CCDC80: variants seen among roughly 807,000 people sequenced by gnomAD.
The protein encoded by CCDC80 is coiled-coil domain-containing protein 80.
In CCDC80, 49 loss-of-function variants were observed where a neutral mutation model predicts 78.7. That is an observed-to-expected ratio of 0.62 (90% confidence interval 0.50 to 0.79). The LOEUF (loss-of-function observed/expected upper bound fraction) is 0.79, where lower values mean the gene tolerates loss of function less well. Ranked by LOEUF, CCDC80 falls within the 30% of genes least tolerant of loss-of-function variation. The probability of loss-of-function intolerance (pLI) is 0.00; values close to 1 mark genes in which losing one functional copy is unlikely to be tolerated. For missense variants in CCDC80, 1,205 were observed against 1,198.6 expected (o/e 1.01, Z -0.08); for synonymous variants, 488 against 447.0 (o/e 1.09, Z -1.16).
chr3:112,620,076 T>A (rs1254948365), intron 3 of CCDC80, among the ~76,000 whole-genome samples: 1 of 152,204 alleles, frequency 6.6e-6, no homozygotes, highest in Non-Finnish European at 1.5e-5. Context: ...CACTACCCAG[T>A]GACTAACACT....
At position 112,639,858 on chromosome 3, in the gene CCDC80, C is replaced by A; in HGVS notation, c.48G>T (p.Trp16Cys). 6.2e-7 allele frequency: 1 copy of A among 1,614,158 alleles called. No homozygotes were observed. Among genetic ancestry groups the A allele is most frequent in the South Asian group, 1.1e-5 (1 of 91,078 alleles). ...GGTGGGGTTCTGATCCACACACTAG[C>A]CACATGGCCAACAGCATAGTGAAAC... ...GPRFTMLLAM[W>C]LVCGSEPHPH... is the part of the protein sequence containing the mutation. The change falls in exon 2 of 8, where the codon TGG (tryptophan) becomes TGT (cysteine). Residue 16 changes from tryptophan (W) to cysteine (C), a missense_variant. Transcript: ENST00000206423.
chr3:112,608,195 A>G (rs1312096829), intron 6 of CCDC80, among the ~76,000 whole-genome samples: 1 of 152,216 alleles, frequency 6.6e-6, no homozygotes, highest in African/African-American at 2.4e-5. Flanking sequence ...TCAAGCTTTC[A>G]TAGTTTTAAA....
intron 3 of CCDC80, among the ~76,000 whole-genome samples, chr3:112,627,232 A>C (rs114126970): frequency 0.012 from 1,871 of 152,254 alleles, 30 homozygotes; most frequent in African/African-American, 0.042. Context: ...TACACACCCA[A>C]CATTCCTATC....
chr3:112,612,896 G>A (rs546723885), intron 5 of CCDC80, among the ~76,000 whole-genome samples: 197 of 112,052 alleles, frequency 1.8e-3, no homozygotes, highest in Non-Finnish European at 3.1e-3. Flanking sequence ...ATTTCTCTTT[G>A]CCTGGGTTTC....
intron 2 of CCDC80, among the ~76,000 whole-genome samples, chr3:112,635,933 A>G (rs1164022145): frequency 6.6e-6 from 1 of 152,248 alleles, no homozygotes; most frequent in Non-Finnish European, 1.5e-5. Context: ...AATGAAAAGT[A>G]TGACTAATAT....
At chr3:112,616,327 T>C (rs1207618381) in intron 5 of CCDC80, among the ~76,000 whole-genome samples, 1 of 148,106 alleles carries the variant, frequency 6.8e-6, no homozygotes, top group Non-Finnish European at 1.5e-5. Flanking sequence ...GCCTAATAAA[T>C]AAATATGTAA....
In CCDC80 at chr3:112,604,728, C is replaced by T. The variant is rs960911046; in HGVS notation, c.*689G>A. On this transcript the variant is annotated 3_prime_UTR_variant, in exon 8 of 8. Transcript: ENST00000206423. ...GCCTACTAGAACTCTGGAAGTATCG[C>T]CTTTGGCTGCAGTGCCAGATTCTGG... 6.6e-6 allele frequency: 1 copy of T among 152,184 alleles called. No homozygotes were observed. Among genetic ancestry groups the T allele is most frequent in the Non-Finnish European group, 1.5e-5 (1 of 68,032 alleles). The allele number at this position is 152,184 out of a possible 1,614,324, so 9.4% of individuals were successfully genotyped here. A position where few individuals can be genotyped will look rare whatever the true frequency, so the allele number is the denominator to read the frequency against.
intron 6 of CCDC80, among the ~76,000 whole-genome samples, chr3:112,609,253 T>A (rs915602561): frequency 6.6e-6 from 1 of 152,204 alleles, no homozygotes; most frequent in Non-Finnish European, 1.5e-5. Context: ...TTACTGCCTA[T>A]ATATCCATAT....
rs981728071 is a variant in CCDC80, at chr3:112,602,992, A to T, written c.*2425T>A. The T allele has an allele frequency of 6.6e-6, 1 of 152,258 alleles. No homozygotes were observed. The highest frequency in any genetic ancestry group is 2.4e-5 in the African/African-American group (1 of 41,472). The allele number at this position is 152,258 out of a possible 1,614,324, so 9.4% of individuals were successfully genotyped here. On this transcript the variant is annotated 3_prime_UTR_variant, in exon 8 of 8. Transcript: ENST00000206423. ...GCCTCACTTCAAAGCTTCAACCAAC[A>T]GGCTTACTCCTTGTTAGAAGTTAAC...
chr3:112,596,823 A>G lies in CCDC80; in HGVS notation c.*8594T>C, dbSNP rs975402952. On this transcript the variant is annotated 3_prime_UTR_variant, in exon 8 of 8. Coordinates refer to ENST00000206423, the MANE Select transcript of CCDC80 (RefSeq NM_199511.3). The stretch of plus-strand genomic sequence containing the variant: ...CAAATAAACCTTTTATTTACAGGCA[A>G]AGGATATAGTACAAGAAGAAAAAGA... 2 of 152,074 alleles carry G rather than the reference A, an allele frequency of 1.3e-5. No individual in the cohort carries two copies. The highest frequency in any genetic ancestry group is 4.8e-5 in the African/African-American group (2 of 41,418). The allele number at this position is 152,074 out of a possible 1,614,324, so 9.4% of individuals were successfully genotyped here.
At position 112,609,978 on chromosome 3, in the gene CCDC80, C is replaced by G. The variant is rs759138615; in HGVS notation, c.2425G>C (p.Gly809Arg). 6.2e-7 allele frequency: 1 copy of G among 1,611,112 alleles called. No individual in the cohort carries two copies. ...AGTAATGAGGTGGCTTCCCACTCAC[C>G]AAAATTGCACGCCTGACCACTGAGG... is the stretch of plus-strand genomic sequence containing the variant. ...SALSGQACNF[G>R]LRHITILKLL... The change falls in exon 6 of 8, where the codon GGT becomes CGT. Residue 809 changes from glycine to arginine, a missense_variant and splice_region_variant. Physicochemically the swap from Gly to Arg is moderately radical, Grantham distance 125 (BLOSUM62 -2). Coordinates refer to ENST00000206423, the MANE Select transcript of CCDC80 (RefSeq NM_199511.3).
intron 7 of CCDC80, among the ~76,000 whole-genome samples, chr3:112,606,060 A>G (rs1457646059): frequency 6.6e-6 from 1 of 152,244 alleles, no homozygotes; most frequent in African/African-American, 2.4e-5. Context: ...TTTCTTTAAA[A>G]TTTGTCACTA....
At position 112,638,091 on chromosome 3, in the gene CCDC80, C is replaced by T. The variant is rs146058748; in HGVS notation, c.1815G>A (p.Thr605=). The change falls in exon 2 of 8, where the codon ACG becomes ACA. Residue 605 remains threonine, a synonymous_variant. Coordinates refer to ENST00000206423, the MANE Select transcript of CCDC80 (RefSeq NM_199511.3). ...GYQKPTNKHF[T]QSPKKSVADL... is the part of the protein sequence containing the mutation. ...CGGCCACTGACTTCTTGGGACTCTG[C>T]GTGAAGTGTTTGTTGGTGGGTTTCT... 1.9e-5 allele frequency: 31 copies of T among 1,614,042 alleles called. 1 individual carries two copies. The African/African-American group carries it at 2.7e-4, about 14-fold the overall frequency.
In CCDC80 at chr3:112,638,596, G is replaced by A; in HGVS notation, c.1310C>T (p.Thr437Ile). The change falls in exon 2 of 8, where the codon ACC becomes ATC. Residue 437 changes from threonine to isoleucine, a missense_variant. Physicochemically the swap from Thr to Ile is moderately conservative, Grantham distance 89 (BLOSUM62 -1). Coordinates refer to ENST00000206423, the MANE Select transcript of CCDC80 (RefSeq NM_199511.3). ...PQTTRRPSKA[T>I]SLESFTNAPP... ...GGCATTTGTGAAGCTCTCCAAGCTGGTGGCCTTGCTGGGCCTCCTGGTTGT... is the reference window on the plus strand; with the variant it reads ...GGCATTTGTGAAGCTCTCCAAGCTGATGGCCTTGCTGGGCCTCCTGGTTGT... The A allele has an allele frequency of 6.2e-7, 1 of 1,614,060 alleles. No individual in the cohort carries two copies. The highest frequency in any genetic ancestry group is 2.2e-5 in the East Asian group (1 of 44,872).
At position 112,604,206 on chromosome 3, in the gene CCDC80, G is replaced by A. The variant is rs929043077; in HGVS notation, c.*1211C>T. 6.6e-6 allele frequency: 1 copy of A among 152,232 alleles called. No individual in the cohort carries two copies. Among genetic ancestry groups the A allele is most frequent in the Non-Finnish European group, 1.5e-5 (1 of 68,036 alleles). The allele number at this position is 152,232 out of a possible 1,614,324, so 9.4% of individuals were successfully genotyped here. On this transcript the variant is annotated 3_prime_UTR_variant, in exon 8 of 8. Coordinates refer to ENST00000206423, the MANE Select transcript of CCDC80 (RefSeq NM_199511.3). The stretch of plus-strand genomic sequence containing the variant: ...CATTAATAAAGCAGCAACAGGGTTT[G>A]AGAGGATTGGCTCCAATTTCAAAAG...
Position 112,638,618 on chromosome 3 carries a change from T to C in CCDC80, c.1288A>G (p.Thr430Ala). 6.2e-7 allele frequency: 1 copy of C among 1,613,976 alleles called. No individual in the cohort carries two copies. The highest frequency in any genetic ancestry group is 8.5e-7 in the Non-Finnish European group (1 of 1,179,992). Residue 430 changes from threonine (T) to alanine (A), a missense_variant, in exon 2 of 8, where the codon ACC (threonine) becomes GCC (alanine). Coordinates refer to ENST00000206423, the MANE Select transcript of CCDC80 (RefSeq NM_199511.3). ...KDQHRERPQT[T>A]RRPSKATSLE... ...CTGGTGGCCTTGCTGGGCCTCCTGG[T>C]TGTCTGTGGCCTCTCCCTGTGCTGA...
chr3:112,619,980 T>C (rs1018047862), intron 3 of CCDC80, among the ~76,000 whole-genome samples: 25 of 152,012 alleles, frequency 1.6e-4, no homozygotes, highest in African/African-American at 5.8e-4. Flanking sequence ...TCCCCTATAT[T>C]AAAAACAAAT....
chr3:112,611,361 C>G (rs556797202), intron 5 of CCDC80, among the ~76,000 whole-genome samples: 1 of 152,320 alleles, frequency 6.6e-6, no homozygotes, highest in African/African-American at 2.4e-5. Flanking sequence ...GGGTGTAGAA[C>G]TTTATCCATT....
chr3:112,638,637 G>C lies in CCDC80; in HGVS notation c.1269C>G (p.His423Gln), dbSNP rs749986115. Residue 423 changes from histidine to glutamine, a missense_variant, in exon 2 of 8, where the codon CAC becomes CAG. His to Gln is a conservative substitution (Grantham distance 24). Transcript: ENST00000206423. ...NLYPPSRKDQ[H>Q]RERPQTTRRP... ...TCCTGGTTGTCTGTGGCCTCTCCCTGTGCTGATCCTTCCGGGATGGAGGGT... is the reference window on the plus strand; with the variant it reads ...TCCTGGTTGTCTGTGGCCTCTCCCTCTGCTGATCCTTCCGGGATGGAGGGT... The C allele has an allele frequency of 3.3e-5, 53 of 1,614,062 alleles. No homozygotes were observed. The highest frequency in any genetic ancestry group is 4.3e-5 in the Non-Finnish European group (51 of 1,180,030).
Sources: gnomAD v4.1 joint callset for allele counts (sites outside exome capture counted in the v4.1 genomes callset) on GRCh38, gnomAD v4.1.1 for gene constraint, MANE v1.5 for transcripts, NCBI Gene and HGNC (gene_info 2026-07-23, HGNC 2026-07-21) for gene names.